Variants in LINGO4 observed in about 807,000 individuals in gnomAD.
LINGO4 encodes the protein leucine-rich repeat and immunoglobulin-like domain-containing nogo receptor-interacting protein 4.
LINGO4 carries 22 observed loss-of-function variants against 27.9 expected under a neutral mutation model. The observed-to-expected ratio is 0.79, with a 90% CI of 0.56 to 1.13. The LOEUF (loss-of-function observed/expected upper bound fraction) is 1.13, where lower values mean the gene tolerates loss of function less well. LINGO4 is among the 50% of genes most tolerant of loss of function. LINGO4 has a pLI of 0.00. For synonymous variants in LINGO4, 306 were observed against 325.8 expected (o/e 0.94, Z 0.65); for missense variants, 706 against 739.4 (o/e 0.95, Z 0.52).
Position 151,800,904 on chromosome 1 carries a change from C to G in LINGO4, c.*19G>C, listed in dbSNP as rs755895500. On this transcript the variant is annotated 3_prime_UTR_variant, in exon 2 of 2. Coordinates refer to ENST00000368820, the MANE Select transcript of LINGO4 (RefSeq NM_001004432.4). ...TATCTGAAGCGGACTTGGTGGGTTC[C>G]CCACTGGGGAAGGAAAGGTCAGAAG... The G allele has an allele frequency of 2.5e-6, 4 of 1,578,888 alleles. No homozygotes were observed. In the African/African-American group the frequency reaches 5.4e-5, roughly 21 times the overall value.
Position 151,802,583 on chromosome 1 carries a change from G to A in LINGO4, c.122C>T (p.Pro41Leu). 1 of 1,600,580 alleles carries A rather than the reference G, an allele frequency of 6.2e-7. No homozygotes were observed. The change falls in exon 2 of 2, where the codon CCC becomes CTC. Residue 41 changes from proline (P) to leucine (L), a missense_variant. By Grantham distance (98) the Pro-to-Leu change is moderately conservative (BLOSUM62 -3). Transcript: ENST00000368820. ...CCTGTGGCCACAGAGCACAGCCTGG[G>A]GCTGGGAGGTGCAGTCACACACAGC... ...CPAVCDCTSQ[P>L]QAVLCGHRQL... is the part of the protein sequence containing the mutation.
Position 151,801,066 on chromosome 1 carries a change from C to A in LINGO4, c.1639G>T (p.Val547Leu), listed in dbSNP as rs766459318. Reference sequence around the variant, plus strand: ...GCAATCAGGCCAAAGCAGAGGGTCACTGAGGTGAGGAAGGGGAGGAAGCCG... The same window carrying A: ...GCAATCAGGCCAAAGCAGAGGGTCAATGAGGTGAGGAAGGGGAGGAAGCCG... ...AVGFLPFLTS[V>L]TLCFGLIALW... The change falls in exon 2 of 2, where the codon GTG becomes TTG. Residue 547 changes from valine to leucine, a missense_variant. Coordinates refer to ENST00000368820, the MANE Select transcript of LINGO4 (RefSeq NM_001004432.4). This position sits in a 1 kb window ranked among gnomAD's most constrained non-coding sequence, Gnocchi z 5.7. 1 of 1,614,180 alleles carries A rather than the reference C, an allele frequency of 6.2e-7. No homozygotes were observed. Among genetic ancestry groups the A allele is most frequent in the South Asian group, 1.1e-5 (1 of 91,084 alleles).
In LINGO4 at chr1:151,801,365, C is replaced by T; in HGVS notation, c.1340G>A (p.Trp447Ter). The T allele has an allele frequency of 6.2e-7, 1 of 1,613,930 alleles. No individual in the cohort carries two copies. The highest frequency in any genetic ancestry group is 8.5e-7 in the Non-Finnish European group (1 of 1,179,800). The change falls in exon 2 of 2, where the codon TGG becomes TAG. Residue 447 changes from tryptophan to a stop codon, truncating the protein, a stop_gained. Coordinates refer to ENST00000368820, the MANE Select transcript of LINGO4 (RefSeq NM_001004432.4). LOFTEE classifies it high-confidence loss of function. The surrounding 1 kb of genome is among the most constrained non-coding windows in gnomAD (Gnocchi z 5.7). ...CAGCCAAGCCCCATGAGGCCTCATCCAGGAGACAGTGGGGGCTGGGTCTCC... is the reference window on the plus strand; with the variant it reads ...CAGCCAAGCCCCATGAGGCCTCATCTAGGAGACAGTGGGGGCTGGGTCTCC... The part of the protein sequence containing the change: ...GDGDPAPTVS[W>*]MRPHGAWLGR...
Position 151,801,420 on chromosome 1 carries a change from C to G in LINGO4, c.1285G>C (p.Gly429Arg). ...CCAGAGCAGGAGAAAACCGCATGCC[C>G]GCCCTCCTCTGCAATGACCCATCGA... ...GPRWVIAEEGGHAVFSCSGDG... is the reference protein window; with the variant it reads ...GPRWVIAEEGRHAVFSCSGDG... Residue 429 changes from glycine (G) to arginine (R), a missense_variant, in exon 2 of 2, where the codon GGG becomes CGG. Coordinates refer to ENST00000368820, the MANE Select transcript of LINGO4 (RefSeq NM_001004432.4). This position sits in a 1 kb window ranked among gnomAD's most constrained non-coding sequence, Gnocchi z 5.7. The G allele has an allele frequency of 6.2e-7, 1 of 1,614,106 alleles. No individual in the cohort carries two copies. Among genetic ancestry groups the G allele is most frequent in the Non-Finnish European group, 8.5e-7 (1 of 1,180,034 alleles).
At chr1:151,803,657 T>C (rs1651210844) in intron 1 of LINGO4, among the ~76,000 whole-genome samples, 1 of 152,158 alleles carries the variant, frequency 6.6e-6, no homozygotes, top group Admixed American at 6.5e-5. Context: ...CTGAGCTGCC[T>C]GAGAAATTCC....
rs1180228775 is a variant in LINGO4 at position 151,800,573 on chromosome 1, G to A, written c.*350C>T. ...AATCTTATAGCCGTGGTTGGCAATT[G>A]GTTATTAAAGGATATAAGCATGTGT... On this transcript the variant is annotated 3_prime_UTR_variant, in exon 2 of 2. Coordinates refer to ENST00000368820, the MANE Select transcript of LINGO4 (RefSeq NM_001004432.4). The A allele has an allele frequency of 4.8e-6, 1 of 210,068 alleles. No individual in the cohort carries two copies. The highest frequency in any genetic ancestry group is 2.3e-5 in the African/African-American group (1 of 43,512). The allele number at this position is 210,068 out of a possible 1,614,324, so 13.0% of individuals were successfully genotyped here.
rs1291969365 is a variant in LINGO4 at position 151,800,454 on chromosome 1, G to C, written c.*469C>G. The C allele has an allele frequency of 6.1e-6, 1 of 164,684 alleles. No individual in the cohort carries two copies. Among genetic ancestry groups the C allele is most frequent in the African/African-American group, 2.4e-5 (1 of 41,552 alleles). The allele number at this position is 164,684 out of a possible 1,614,324, so 10.2% of individuals were successfully genotyped here. On this transcript the variant is annotated 3_prime_UTR_variant, in exon 2 of 2. Coordinates refer to ENST00000368820, the MANE Select transcript of LINGO4 (RefSeq NM_001004432.4). ...CTCTTATTCCTGTACATAGGGGCAG[G>C]GTTGGGGTGGGGAGCAGAAAAGAAA... is the stretch of plus-strand genomic sequence containing the variant.
At position 151,801,932 on chromosome 1, in the gene LINGO4, G is replaced by A; in HGVS notation, c.773C>T (p.Ala258Val). ...CGAGCTCAGATTGCAGCGAGTGATG[G>A]CCAGGCTGCTGAGATTGAGCCCAAC... ...SLVGLNLSSL[A>V]ITRCNLSSVP... is the part of the protein sequence containing the mutation. Residue 258 changes from alanine to valine, a missense_variant, in exon 2 of 2, where the codon GCC becomes GTC. Physicochemically the swap from Ala to Val is moderately conservative, Grantham distance 64 (BLOSUM62 0). Coordinates refer to ENST00000368820, the MANE Select transcript of LINGO4 (RefSeq NM_001004432.4). The surrounding 1 kb of genome is among the most constrained non-coding windows in gnomAD (Gnocchi z 5.7). 1 of 1,614,180 alleles carries A rather than the reference G, an allele frequency of 6.2e-7. No individual in the cohort carries two copies. The highest frequency in any genetic ancestry group is 8.5e-7 in the Non-Finnish European group (1 of 1,180,008).
rs1188850905 is a variant in LINGO4, at chr1:151,801,975, G to A, written c.730C>T (p.Leu244=). The A allele has an allele frequency of 6.2e-7, 1 of 1,614,190 alleles. No homozygotes were observed. Among genetic ancestry groups the A allele is most frequent in the East Asian group, 2.2e-5 (1 of 44,882 alleles). Residue 244 remains leucine (L), a synonymous_variant, in exon 2 of 2, where the codon CTG becomes TTG. Transcript: ENST00000368820. The surrounding 1 kb of genome is among the most constrained non-coding windows in gnomAD (Gnocchi z 5.7). ...EIHLWPSLEA[L]DPGSLVGLNL... ...AGCCCAACCAGGCTCCCAGGGTCCA[G>A]AGCCTCCAGAGATGGCCAGAGGTGG...
In LINGO4 at chr1:151,801,529, C is replaced by G. The variant is rs766875730; in HGVS notation, c.1176G>C (p.Gln392His). ...PPACAGPHHV[Q>H]GKSLKEFSDI... ...CTGAAAACTCCTTCAGGCTCTTCCC[C>G]TGGACATGATGGGGGCCAGCACAGG... Residue 392 changes from glutamine to histidine, a missense_variant, in exon 2 of 2, where the codon CAG (glutamine) becomes CAC (histidine). Physicochemically the swap from Gln to His is conservative, Grantham distance 24. Coordinates refer to ENST00000368820, the MANE Select transcript of LINGO4 (RefSeq NM_001004432.4). This position sits in a 1 kb window ranked among gnomAD's most constrained non-coding sequence, Gnocchi z 5.7. 47 of 1,613,846 alleles carry G rather than the reference C, an allele frequency of 2.9e-5. No homozygotes were observed. The highest frequency in any genetic ancestry group is 3.9e-5 in the Non-Finnish European group (46 of 1,179,970).
chr1:151,801,804 G>A lies in LINGO4; in HGVS notation c.901C>T (p.Arg301Trp), dbSNP rs369398419. 5.6e-6 allele frequency: 9 copies of A among 1,614,216 alleles called. No homozygotes were observed. The highest frequency in any genetic ancestry group is 3.3e-4 in the Middle Eastern group (2 of 6,062). Residue 301 changes from arginine (R) to tryptophan (W), a missense_variant, in exon 2 of 2, where the codon CGG becomes TGG. By Grantham distance (101) the Arg-to-Trp change is moderately radical (BLOSUM62 -3). Transcript: ENST00000368820. The surrounding 1 kb of genome is among the most constrained non-coding windows in gnomAD (Gnocchi z 5.7). ...CCTGACAGGCGTAGCTCCTGGAGCC[G>A]CACCAGGGGGCTGAGCCTTCGGGCT... ...IPARRLSPLV[R>W]LQELRLSGAC...
rs1324816924 is a variant in LINGO4, at chr1:151,802,150, G to A, written c.555C>T (p.Leu185=). ...TGCTGAGGTTGCAGCGCTCCAGGGT[G>A]AGGGTGCTCAACTTGGCTAGCCCTG... The part of the protein sequence containing the change: ...AFAGLAKLST[L]TLERCNLSTV... Residue 185 remains leucine (L), a synonymous_variant, in exon 2 of 2, where the codon CTC becomes CTT. Coordinates refer to ENST00000368820, the MANE Select transcript of LINGO4 (RefSeq NM_001004432.4). The A allele has an allele frequency of 1.2e-6, 2 of 1,613,926 alleles. No homozygotes were observed. The highest frequency in any genetic ancestry group is 8.5e-7 in the Non-Finnish European group (1 of 1,180,034).
In LINGO4 at chr1:151,802,275, T is replaced by C. The variant is rs1292310683; in HGVS notation, c.430A>G (p.Ile144Val). 6.2e-7 allele frequency: 1 copy of C among 1,614,036 alleles called. No individual in the cohort carries two copies. Among genetic ancestry groups the C allele is most frequent in the South Asian group, 1.1e-5 (1 of 91,076 alleles). Reference sequence around the variant, plus strand: ...AAAGCTCCATCTAGGAAGAGAACAATCTGGTTGAGGCGGAGGTCCAGCAGG... The same window carrying C: ...AAAGCTCCATCTAGGAAGAGAACAACCTGGTTGAGGCGGAGGTCCAGCAGG... ...LTLLDLRLNQ[I>V]VLFLDGAFGE... Residue 144 changes from isoleucine (I) to valine (V), a missense_variant, in exon 2 of 2, where the codon ATT (isoleucine) becomes GTT (valine). Ile to Val is a conservative substitution (Grantham distance 29). Transcript: ENST00000368820.
In LINGO4 at chr1:151,801,708, C is replaced by T. The variant is rs767794540; in HGVS notation, c.997G>A (p.Asp333Asn). ...LTAFHLLDVA[D>N]NALQTLEETA... The stretch of plus-strand genomic sequence containing the variant: ...TCCTCTAGTGTCTGAAGGGCGTTAT[C>T]TGCCACATCCAGGAGGTGGAAGGCA... The change falls in exon 2 of 2, where the codon GAT (aspartate) becomes AAT (asparagine). Residue 333 changes from aspartate (D) to asparagine (N), a missense_variant. Coordinates refer to ENST00000368820, the MANE Select transcript of LINGO4 (RefSeq NM_001004432.4). The surrounding 1 kb of genome is among the most constrained non-coding windows in gnomAD (Gnocchi z 5.7). The T allele has an allele frequency of 6.2e-7, 1 of 1,614,222 alleles. No individual in the cohort carries two copies. Among genetic ancestry groups the T allele is most frequent in the Non-Finnish European group, 8.5e-7 (1 of 1,180,034 alleles).
intron 1 of LINGO4, among the ~76,000 whole-genome samples, 187 bp from the exon 2 acceptor site, chr1:151,802,904 T>TG (rs1460248386): frequency 2.6e-5 from 4 of 152,140 alleles, no homozygotes; most frequent in African/African-American, 9.7e-5. Context: ...AGCTTCTCTT[T>TG]GGGGAATCTC....
intron 1 of LINGO4, among the ~76,000 whole-genome samples, chr1:151,804,670 A>G (rs1651237495): frequency 6.6e-6 from 1 of 152,202 alleles, no homozygotes; most frequent in Non-Finnish European, 1.5e-5. Context: ...ATTTAATCAC[A>G]AATTTCCCTT....
At position 151,800,866 on chromosome 1, in the gene LINGO4, TCTTCCC is replaced by T; in HGVS notation, c.*51_*56del. On this transcript the variant is annotated 3_prime_UTR_variant, in exon 2 of 2. Transcript: ENST00000368820. ...TCTGGTTCAAGCAGCCTTGGTTCTGTCTTCCCCTTTGGTATCTGAAGCGGACTTGGT... is the reference window on the plus strand; with the variant it reads ...TCTGGTTCAAGCAGCCTTGGTTCTGTCTTTGGTATCTGAAGCGGACTTGGT... The T allele has an allele frequency of 6.7e-7, 1 of 1,498,580 alleles. No individual in the cohort carries two copies. The highest frequency in any genetic ancestry group is 1.4e-5 in the African/African-American group (1 of 71,982). 92.8% of individuals were successfully genotyped at this position (1,498,580 alleles called of 1,614,324 possible). A position where few individuals can be genotyped will look rare whatever the true frequency, so the allele number is the denominator to read the frequency against.
rs1425068409 is a variant in LINGO4 at position 151,801,922 on chromosome 1, G to T, written c.783C>A (p.Arg261=). 1 of 1,614,232 alleles carries T rather than the reference G, an allele frequency of 6.2e-7. No homozygotes were observed. Among genetic ancestry groups the T allele is most frequent in the East Asian group, 2.2e-5 (1 of 44,888 alleles). The stretch of plus-strand genomic sequence containing the variant: ...GGAAGGGCACCGAGCTCAGATTGCA[G>T]CGAGTGATGGCCAGGCTGCTGAGAT... ...GLNLSSLAIT[R]CNLSSVPFQA... The change falls in exon 2 of 2, where the codon CGC becomes CGA. Residue 261 remains arginine, a synonymous_variant. Transcript: ENST00000368820. The surrounding 1 kb of genome is among the most constrained non-coding windows in gnomAD (Gnocchi z 5.7).
rs937936801 is a variant in LINGO4, at chr1:151,800,679, G to C, written c.*244C>G. ...TTGTGTGTGGAGGGGGTGAAGCAGG[G>C]GCTGGACTAACGACGGGGTCTGCAT... On this transcript the variant is annotated 3_prime_UTR_variant, in exon 2 of 2. Transcript: ENST00000368820. 8.0e-6 allele frequency: 4 copies of C among 501,356 alleles called. No individual in the cohort carries two copies. Among genetic ancestry groups the C allele is most frequent in the East Asian group, 6.3e-5 (2 of 31,680 alleles). The allele number at this position is 501,356 out of a possible 1,614,324, so 31.1% of individuals were successfully genotyped here.
Sources: gnomAD v4.1 joint callset for allele counts (sites outside exome capture counted in the v4.1 genomes callset) on GRCh38, gnomAD v4.1.1 for gene constraint, Gnocchi (gnomAD v3.1) non-coding constraint, MANE v1.5 for transcripts, NCBI Gene and HGNC (gene_info 2026-07-23, HGNC 2026-07-21) for gene names.